GRK2: variants seen among roughly 807,000 people sequenced by gnomAD.
The protein encoded by GRK2 is G protein-coupled receptor kinase 2, also known as adrenergic beta receptor kinase 1.
GRK2 carries 23 observed loss-of-function variants against 97.8 expected under a neutral mutation model. The ratio of observed to expected loss-of-function variants is 0.24; its 90% CI spans 0.17 to 0.33. The LOEUF (loss-of-function observed/expected upper bound fraction) is 0.33. Ranked by LOEUF, GRK2 falls within the 10% of genes least tolerant of loss-of-function variation. The pLI is 1.00. For missense variants in GRK2, 633 were observed against 956.9 expected, an observed-to-expected ratio of 0.66 and a Z score of 4.47; for synonymous variants, 425 against 381.7, an observed-to-expected ratio of 1.11 and a Z score of -1.32.
intron 7 of GRK2, 85 bp downstream of exon 7, chr11:67,280,868 G>C: frequency 6.8e-7 from 1 of 1,473,412 alleles, no homozygotes; most frequent in Non-Finnish European, 9.5e-7. Context: ...GGCTGGGAGG[G>C]GGAGGTCAGG....
At chr11:67,283,503 T>C (rs1860199304) in intron 15 of GRK2, 1 of 618,080 alleles carries the variant, frequency 1.6e-6, no homozygotes, top group South Asian at 1.9e-5. Flanking sequence ...TATTAAGCAC[T>C]GGGCATAGGG....
At position 67,277,255 on chromosome 11, in the gene GRK2, G is replaced by T. The variant is rs763810454; in HGVS notation, c.114-17G>T. On this transcript the variant is annotated splice_polypyrimidine_tract_variant and intron_variant, in intron 1 of 20. Coordinates refer to ENST00000308595, the MANE Select transcript of GRK2 (RefSeq NM_001619.5). ...GGCTCTGGGGGCTTCTGCTTACTGCGCCCCCCTGACCCACAGCATCCGCAG... is the reference window on the plus strand; with the variant it reads ...GGCTCTGGGGGCTTCTGCTTACTGCTCCCCCCTGACCCACAGCATCCGCAG... 18 of 1,612,804 alleles carry T rather than the reference G, an allele frequency of 1.1e-5. No individual in the cohort carries two copies. The highest frequency in any genetic ancestry group is 1.4e-5 in the Non-Finnish European group (16 of 1,179,722).
rs1191399584 is a variant in GRK2, at chr11:67,269,604, G to A, written c.113+2792G>A. 6.6e-6 allele frequency among the ~76,000 whole-genome samples: 1 copy of A among 152,206 alleles called. No individual in the cohort carries two copies. Among genetic ancestry groups the A allele is most frequent in the Non-Finnish European group, 1.5e-5 (1 of 68,028 alleles). On this transcript the variant is annotated intron_variant, in intron 1 of 20. Coordinates refer to ENST00000308595, the MANE Select transcript of GRK2 (RefSeq NM_001619.5). The surrounding 1 kb of genome is among the most constrained non-coding windows in gnomAD (Gnocchi z 4.1). The stretch of plus-strand genomic sequence containing the variant: ...CTGGGATGGAGAACTGAGCTGCCGT[G>A]GCAAAGCTACTGCACCGAGGGGCAG...
chr11:67,279,361 TG>T, intron 3 of GRK2, 56 bp from the exon 4 acceptor site: 1 of 1,608,756 alleles, frequency 6.2e-7, no homozygotes, highest in African/African-American at 1.3e-5. Context: ...CTGCCTGGTG[TG>T]GGCATCCCCA....
Position 67,282,928 on chromosome 11 carries a change from C to T in GRK2, c.1227+110C>T, listed in dbSNP as rs969985665. 2.4e-6 allele frequency: 3 copies of T among 1,272,316 alleles called. No individual in the cohort carries two copies. The highest frequency in any genetic ancestry group is 3.3e-6 in the Non-Finnish European group (3 of 907,856). The allele number at this position is 1,272,316 out of a possible 1,614,324, so 78.8% of individuals were successfully genotyped here. A position where few individuals can be genotyped will look rare whatever the true frequency, so the allele number is the denominator to read the frequency against. On this transcript the variant is annotated intron_variant, in intron 14 of 20. Transcript: ENST00000308595. This position sits in a 1 kb window ranked among gnomAD's most constrained non-coding sequence, Gnocchi z 6.9. ...CCAGCAGAGATCTGGGCCACTGACC[C>T]CTACTCTGGCCTCTGAGACAGACCT...
chr11:67,273,842 A>G (rs1205256565), intron 1 of GRK2, among the ~76,000 whole-genome samples: 2 of 152,190 alleles, frequency 1.3e-5, no homozygotes, highest in African/African-American at 2.4e-5. Context: ...CGGGGCTGAC[A>G]GCAGAGCCCC....
rs1395013742 is a variant in GRK2, at chr11:67,276,169, C to T, written c.114-1103C>T. 6.6e-6 allele frequency among the ~76,000 whole-genome samples: 1 copy of T among 152,206 alleles called. No homozygotes were observed. The highest frequency in any genetic ancestry group is 1.5e-5 in the Non-Finnish European group (1 of 68,030). On this transcript the variant is annotated intron_variant, in intron 1 of 20. Transcript: ENST00000308595. This position sits in a 1 kb window ranked among gnomAD's most constrained non-coding sequence, Gnocchi z 4.2. Reference sequence around the variant, plus strand: ...CCATAGACCTGCAGGGCCATGTGAGCGTGACATGGGCTCAGGTGTGTTGTC... The same window carrying T: ...CCATAGACCTGCAGGGCCATGTGAGTGTGACATGGGCTCAGGTGTGTTGTC...
chr11:67,284,812 G>C (rs527924338), intron 18 of GRK2, 35 bp from the exon 19 acceptor site: 1 of 1,603,826 alleles, frequency 6.2e-7, no homozygotes, highest in Admixed American at 1.7e-5. Context: ...AAACCCAGGT[G>C]GGGCCGGCTG....
At chr11:67,272,464 C>T (rs1038712895) in intron 1 of GRK2, among the ~76,000 whole-genome samples, 2 of 152,178 alleles carry the variant, frequency 1.3e-5, no homozygotes, top group African/African-American at 4.8e-5. Context: ...GAGCAGGAGA[C>T]ACCTAAGAGA....
At chr11:67,267,422 G>A (rs920627541) in intron 1 of GRK2, among the ~76,000 whole-genome samples, 3 of 152,232 alleles carry the variant, frequency 2.0e-5, no homozygotes, top group African/African-American at 7.2e-5. Context: ...AGTTGGGCTC[G>A]AGAGTGCTTT....
Position 67,282,852 on chromosome 11 carries a change from G to A in GRK2, c.1227+34G>A, listed in dbSNP as rs1326318732. ...AGGTCTCAGTGCAGGGCCGCAGGGG[G>A]CTGGGGGGAGCTCCTGTGGGTGCCA... is the stretch of plus-strand genomic sequence containing the variant. On this transcript the variant is annotated intron_variant, in intron 14 of 20. Transcript: ENST00000308595. This position sits in a 1 kb window ranked among gnomAD's most constrained non-coding sequence, Gnocchi z 6.9. 1 of 1,584,680 alleles carries A rather than the reference G, an allele frequency of 6.3e-7. No individual in the cohort carries two copies. The highest frequency in any genetic ancestry group is 1.7e-5 in the Admixed American group (1 of 58,180).
rs1253649245 is a variant in GRK2 at position 67,282,968 on chromosome 11, T to G, written c.1227+150T>G. The G allele has an allele frequency of 3.4e-6, 4 of 1,164,196 alleles. No homozygotes were observed. In the African/African-American group the frequency reaches 6.0e-5, roughly 18 times the overall value. The allele number at this position is 1,164,196 out of a possible 1,614,324, so 72.1% of individuals were successfully genotyped here. A position where few individuals can be genotyped will look rare whatever the true frequency, so the allele number is the denominator to read the frequency against. On this transcript the variant is annotated intron_variant, in intron 14 of 20. Transcript: ENST00000308595. The surrounding 1 kb of genome is among the most constrained non-coding windows in gnomAD (Gnocchi z 6.9). ...GAGACAGACCTCCTGCCCCATAGGC[T>G]CTCGCCCTCCCCGTGCTGTTGGAGC...
rs2136503929 is a variant in GRK2 at position 67,282,846 on chromosome 11, C to T, written c.1227+28C>T. The T allele has an allele frequency of 6.3e-7, 1 of 1,595,516 alleles. No individual in the cohort carries two copies. Among genetic ancestry groups the T allele is most frequent in the Non-Finnish European group, 8.5e-7 (1 of 1,174,052 alleles). On this transcript the variant is annotated intron_variant, in intron 14 of 20. Transcript: ENST00000308595. The surrounding 1 kb of genome is among the most constrained non-coding windows in gnomAD (Gnocchi z 6.9). ...GGGTGCAGGTCTCAGTGCAGGGCCG[C>T]AGGGGGCTGGGGGGAGCTCCTGTGG... is the stretch of plus-strand genomic sequence containing the variant.
chr11:67,286,073 G>A lies in GRK2; in HGVS notation c.*623G>A, dbSNP rs1437599392. On this transcript the variant is annotated 3_prime_UTR_variant, in exon 21 of 21. Coordinates refer to ENST00000308595, the MANE Select transcript of GRK2 (RefSeq NM_001619.5). ...GCTGAGAGAGTGGCATTGGCAGCAG[G>A]TGCTGCTACCCTCCCTGCTGTCCCC... 1 of 333,038 alleles carries A rather than the reference G, an allele frequency of 3.0e-6. No homozygotes were observed. Among genetic ancestry groups the A allele is most frequent in the Non-Finnish European group, 5.5e-6 (1 of 180,386 alleles). The allele number at this position is 333,038 out of a possible 1,614,324, so 20.6% of individuals were successfully genotyped here. A position where few individuals can be genotyped will look rare whatever the true frequency, so the allele number is the denominator to read the frequency against.
chr11:67,282,465 C>T lies in GRK2; in HGVS notation c.1083C>T (p.Val361=). Residue 361 remains valine, a synonymous_variant, in exon 13 of 21, where the codon GTC becomes GTT. Transcript: ENST00000308595. The surrounding 1 kb of genome is among the most constrained non-coding windows in gnomAD (Gnocchi z 6.9). ...CCCACGGGTACATGGCTCCGGAGGTCCTGCAGAAGGGCGTGGCCTACGACA... is the reference window on the plus strand; with the variant it reads ...CCCACGGGTACATGGCTCCGGAGGTTCTGCAGAAGGGCGTGGCCTACGACA... ...VGTHGYMAPE[V]LQKGVAYDSS... is the part of the protein sequence containing the mutation. 6.2e-7 allele frequency: 1 copy of T among 1,613,142 alleles called. No individual in the cohort carries two copies. The highest frequency in any genetic ancestry group is 8.5e-7 in the Non-Finnish European group (1 of 1,179,780).
At chr11:67,280,890 C>A in intron 7 of GRK2, 107 bp downstream of exon 7, 2 of 1,376,660 alleles carry the variant, frequency 1.5e-6, no homozygotes, top group South Asian at 1.2e-5. Context: ...GATGTCTGTC[C>A]TTTAGCCCCC....
intron 1 of GRK2, among the ~76,000 whole-genome samples, chr11:67,271,771 C>A (rs556880955): frequency 1.4e-4 from 22 of 152,344 alleles, no homozygotes; most frequent in Admixed American, 1.2e-3. Flanking sequence ...TTGGACCTGC[C>A]GGTTTGGGCT....
chr11:67,285,493 A>G lies in GRK2; in HGVS notation c.*43A>G, dbSNP rs1246115858. On this transcript the variant is annotated 3_prime_UTR_variant, in exon 21 of 21. Coordinates refer to ENST00000308595, the MANE Select transcript of GRK2 (RefSeq NM_001619.5). ...TATAAACCTCTAATTTATTTTGTCG[A>G]ATTTTTATTATTTGTTTTCCCGCCA... 6.7e-7 allele frequency: 1 copy of G among 1,484,654 alleles called. No individual in the cohort carries two copies. The highest frequency in any genetic ancestry group is 8.9e-7 in the Non-Finnish European group (1 of 1,120,062). 92.0% of individuals were successfully genotyped at this position (1,484,654 alleles called of 1,614,324 possible).
chr11:67,280,209 C>T, intron 6 of GRK2: 2 of 453,390 alleles, frequency 4.4e-6, no homozygotes, highest in Non-Finnish European at 8.1e-6. Context: ...CTTGCTGGCC[C>T]ACCTGGACTG....
Sources: allele counts gnomAD v4.1 joint callset (sites outside exome capture counted in the v4.1 genomes callset), GRCh38; gene constraint gnomAD v4.1.1; non-coding constraint Gnocchi (gnomAD v3.1); transcripts MANE v1.5; gene names NCBI Gene and HGNC (gene_info 2026-07-23, HGNC 2026-07-21).